SEPTIN14: variants seen among roughly 807,000 people sequenced by gnomAD.
SEPTIN14 encodes septin-14.
Under a neutral mutation model 53.6 loss-of-function variants are expected in SEPTIN14, and 40 were observed. The ratio of observed to expected loss-of-function variants is 0.75; its 90% CI spans 0.58 to 0.97. The LOEUF is 0.97. Among genes scored for constraint, SEPTIN14 ranks in the 50% least tolerant of loss-of-function variants. The probability of loss-of-function intolerance (pLI) is 0.00; values close to 1 mark genes in which losing one functional copy is unlikely to be tolerated. For synonymous variants in SEPTIN14, 138 were observed against 166.8 expected, an observed-to-expected ratio of 0.83 and a Z score of 1.33; for missense variants, 471 against 508.2, an observed-to-expected ratio of 0.93 and a Z score of 0.70.
intron 2 of SEPTIN14, among the ~76,000 whole-genome samples, chr7:55,852,134 T>A (rs1789527710): frequency 8.2e-6 from 1 of 122,324 alleles, no homozygotes. Flanking sequence ...AGAGTGAGAC[T>A]CTGTCAAAAA....
chr7:55,795,844 C>A lies in SEPTIN14; in HGVS notation c.*69G>T. ...AAAATGAGAACTTCAGAGTTAAATG[C>A]TACAAAGACAATCTCACAGGAAGTT... On this transcript the variant is annotated 3_prime_UTR_variant, in exon 10 of 10. Coordinates refer to ENST00000388975, the MANE Select transcript of SEPTIN14 (RefSeq NM_207366.3). 8.6e-7 allele frequency: 1 copy of A among 1,169,272 alleles called. No homozygotes were observed. Among genetic ancestry groups the A allele is most frequent in the South Asian group, 1.3e-5 (1 of 79,074 alleles). The allele number at this position is 1,169,272 out of a possible 1,614,324, so 72.4% of individuals were successfully genotyped here. A position where few individuals can be genotyped will look rare whatever the true frequency, so the allele number is the denominator to read the frequency against.
intron 7 of SEPTIN14, among the ~76,000 whole-genome samples, chr7:55,809,138 T>C (rs184819823): frequency 1.3e-5 from 2 of 152,116 alleles, no homozygotes; most frequent in East Asian, 3.9e-4. Flanking sequence ...GAAGCCATTA[T>C]CCTAAGTGAT....
intron 8 of SEPTIN14, among the ~76,000 whole-genome samples, chr7:55,806,698 G>C (rs28396312): frequency 2.6e-4 from 39 of 151,390 alleles, no homozygotes; most frequent in Non-Finnish European, 2.9e-5. Flanking sequence ...CCTGACCTTA[G>C]ATGATCCGCC....
In SEPTIN14 at chr7:55,796,143, C is replaced by T. The variant is rs184327514; in HGVS notation, c.1120-51G>A. 4.3e-6 allele frequency: 5 copies of T among 1,175,350 alleles called. No homozygotes were observed. The Admixed American group carries it at 7.3e-5, about 17-fold the overall frequency. The allele number at this position is 1,175,350 out of a possible 1,614,324, so 72.8% of individuals were successfully genotyped here. ...CACCAAAGCACAGTGTGGCTGAACA[C>T]CCAAAAGAATATGCTTTTTTCTAAA... On this transcript the variant is annotated intron_variant, in intron 9 of 9. Coordinates refer to ENST00000388975, the MANE Select transcript of SEPTIN14 (RefSeq NM_207366.3).
intron 9 of SEPTIN14, among the ~76,000 whole-genome samples, chr7:55,796,415 A>C (rs1214678142): frequency 6.6e-6 from 1 of 151,928 alleles, no homozygotes; most frequent in Non-Finnish European, 1.5e-5. Flanking sequence ...GGCATGCACC[A>C]CCATGCCCAG....
intron 5 of SEPTIN14, among the ~76,000 whole-genome samples, chr7:55,837,860 G>C (rs1789237722): frequency 1.3e-5 from 2 of 152,216 alleles, no homozygotes; most frequent in Non-Finnish European, 2.9e-5. Flanking sequence ...CGGGATTACA[G>C]GGTGAGCCCT....
intron 2 of SEPTIN14, among the ~76,000 whole-genome samples, chr7:55,849,097 G>A (rs966977976): frequency 1.8e-4 from 28 of 152,088 alleles, no homozygotes; most frequent in Non-Finnish European, 3.7e-4. Context: ...GGCTGAGGCA[G>A]AAGGATCACT....
At chr7:55,816,111 T>C (rs1019177103) in intron 7 of SEPTIN14, among the ~76,000 whole-genome samples, 3 of 152,164 alleles carry the variant, frequency 2.0e-5, no homozygotes, top group Non-Finnish European at 2.9e-5. Flanking sequence ...AAGACAAACT[T>C]CACATATTCT....
chr7:55,843,279 C>A (rs1789346843), intron 4 of SEPTIN14, among the ~76,000 whole-genome samples, 151 bp from the exon 5 acceptor site: 1 of 152,074 alleles, frequency 6.6e-6, no homozygotes, highest in African/African-American at 2.4e-5. Context: ...GATATTAATT[C>A]TAAACCAATA....
chr7:55,805,112 T>G (rs1449114646), intron 9 of SEPTIN14, 146 bp downstream of exon 9: 6 of 607,224 alleles, frequency 9.9e-6, no homozygotes, highest in Non-Finnish European at 1.7e-5. Context: ...GTAAAGGCTA[T>G]ATTCAAGTCT....
Position 55,795,008 on chromosome 7 carries a change from T to C in SEPTIN14, c.*905A>G, listed in dbSNP as rs1004266171. Reference sequence around the variant, plus strand: ...TACCCCAAATCTGTAACACATAATATTATCATTCAAATGCAACTCTTTCTC... The same window carrying C: ...TACCCCAAATCTGTAACACATAATACTATCATTCAAATGCAACTCTTTCTC... On this transcript the variant is annotated 3_prime_UTR_variant, in exon 10 of 10. Coordinates refer to ENST00000388975, the MANE Select transcript of SEPTIN14 (RefSeq NM_207366.3). 11 of 152,162 alleles carry C rather than the reference T, an allele frequency of 7.2e-5. No individual in the cohort carries two copies. Among genetic ancestry groups the C allele is most frequent in the African/African-American group, 2.7e-4 (11 of 41,438 alleles). The allele number at this position is 152,162 out of a possible 1,614,324, so 9.4% of individuals were successfully genotyped here. A position where few individuals can be genotyped will look rare whatever the true frequency, so the allele number is the denominator to read the frequency against.
At chr7:55,823,413 A>G (rs1178101522) in intron 6 of SEPTIN14, among the ~76,000 whole-genome samples, 5 of 152,114 alleles carry the variant, frequency 3.3e-5, no homozygotes, top group African/African-American at 1.2e-4. Flanking sequence ...TCACTCAATA[A>G]AATTCTTCTG....
At chr7:55,831,818 C>T (rs1459516245) in intron 6 of SEPTIN14, among the ~76,000 whole-genome samples, 6 of 152,152 alleles carry the variant, frequency 3.9e-5, no homozygotes, top group African/African-American at 1.4e-4. Flanking sequence ...AGGATATGAA[C>T]AGACATTTCT....
At position 55,834,423 on chromosome 7, in the gene SEPTIN14, A is replaced by G. The variant is rs753183020; in HGVS notation, c.720+2T>C. 3.1e-6 allele frequency: 5 copies of G among 1,599,924 alleles called. No individual in the cohort carries two copies. The highest frequency in any genetic ancestry group is 1.7e-5 in the Admixed American group (1 of 57,610). Reference sequence around the variant, plus strand: ...TTTGTCAGATATGTTACTGAAACTTACACTAACTGAGGAGTTCGCTTGAGC... The same window carrying G: ...TTTGTCAGATATGTTACTGAAACTTGCACTAACTGAGGAGTTCGCTTGAGC... On this transcript the variant is annotated splice_donor_variant, in intron 6 of 9. Coordinates refer to ENST00000388975, the MANE Select transcript of SEPTIN14 (RefSeq NM_207366.3). LOFTEE classifies it high-confidence loss of function.
At chr7:55,823,470 G>T (rs78790694) in intron 6 of SEPTIN14, among the ~76,000 whole-genome samples, 1 of 152,130 alleles carries the variant, frequency 6.6e-6, no homozygotes, top group Non-Finnish European at 1.5e-5. Context: ...CTTCTTGGTT[G>T]TGGGACAAGA....
chr7:55,862,084 A>G (rs1789759158), intron 1 of SEPTIN14, 73 bp from the exon 2 acceptor site: 2 of 868,286 alleles, frequency 2.3e-6, no homozygotes, highest in South Asian at 1.7e-5. Context: ...TAATTTAGAT[A>G]ATTAGGGGGC....
chr7:55,815,658 C>A (rs1788778798), intron 7 of SEPTIN14, among the ~76,000 whole-genome samples: 1 of 151,930 alleles, frequency 6.6e-6, no homozygotes, highest in African/African-American at 2.4e-5. Context: ...TATAATCTCA[C>A]CCCAGTTAAA....
intron 9 of SEPTIN14, among the ~76,000 whole-genome samples, chr7:55,802,390 T>C (rs1354641674): frequency 6.6e-6 from 1 of 152,036 alleles, no homozygotes; most frequent in East Asian, 1.9e-4. Flanking sequence ...GAAAAAAAAA[T>C]TATAGGCCAA....
At chr7:55,859,295 G>A (rs1789703426) in intron 2 of SEPTIN14, among the ~76,000 whole-genome samples, 1 of 152,048 alleles carries the variant, frequency 6.6e-6, no homozygotes, top group African/African-American at 2.4e-5. Context: ...TAAGATAATG[G>A]TCCAATATCA....
Sources: gnomAD v4.1 joint callset for allele counts (sites outside exome capture counted in the v4.1 genomes callset) on GRCh38, gnomAD v4.1.1 for gene constraint, MANE v1.5 for transcripts, NCBI Gene and HGNC (gene_info 2026-07-23, HGNC 2026-07-21) for gene names.